The following NCKAP5 variants were observed in gnomAD, a reference collection of about 807,000 sequenced individuals.
NCKAP5 encodes the protein NCK associated protein 5.
A neutral mutation model predicts 167.0 loss-of-function variants in NCKAP5; 92 were observed. The observed-to-expected ratio is 0.55, with a 90% CI of 0.47 to 0.66. The LOEUF (loss-of-function observed/expected upper bound fraction) is 0.66, where lower values mean the gene tolerates loss of function less well. NCKAP5 is among the 30% of genes least tolerant of loss of function. The pLI is 0.00. For synonymous variants in NCKAP5, 891 were observed against 877.4 expected, an observed-to-expected ratio of 1.02 and a Z score of -0.27; for missense variants, 2,378 against 2,315.0, an observed-to-expected ratio of 1.03 and a Z score of -0.56.
the NCKAP5 span, among the ~76,000 whole-genome samples, chr2:133,672,225 G>C: frequency 6.6e-6 from 1 of 151,718 alleles, no homozygotes; most frequent in East Asian, 1.9e-4. Context: ...CCCAAAGATG[G>C]GGAAGGGTTT....
chr2:133,520,382 A>T (rs1324686428), intron 2 of NCKAP5, among the ~76,000 whole-genome samples: 1 of 152,044 alleles, frequency 6.6e-6, no homozygotes, highest in Non-Finnish European at 1.5e-5. Context: ...TCCCTACCTT[A>T]CTCCCTACTA....
At chr2:133,554,213 C>A (rs982494268) in intron 2 of NCKAP5, 1 of 152,182 alleles carries the variant, frequency 6.6e-6, no homozygotes, top group African/African-American at 2.4e-5. Context: ...TTTATTCACT[C>A]AAAGTCAACT....
rs925365557 is a variant in NCKAP5 at position 132,789,634 on chromosome 2, T to G, written c.1092+389A>C. ...GGATAAAACAGCTATTTCAAATATT[T>G]CCCTTACATCAGTGTACAAAGACGT... On this transcript the variant is annotated intron_variant, in intron 13 of 19. Transcript: ENST00000409261. Among the ~76,000 whole-genome samples, 6 of 152,218 alleles carry G rather than the reference T, an allele frequency of 3.9e-5. 1 individual carries two copies. Among genetic ancestry groups the G allele is most frequent in the Non-Finnish European group, 7.4e-5 (5 of 68,026 alleles).
the NCKAP5 span, among the ~76,000 whole-genome samples, chr2:133,646,030 ATGAT>A: frequency 2.6e-5 from 4 of 151,884 alleles, no homozygotes; most frequent in African/African-American, 9.7e-5. Flanking sequence ...CTAAATAATA[ATGAT>A]TGATTATATA....
rs1559154076 is a variant in NCKAP5 at position 133,115,800 on chromosome 2, T to C, written c.341+14178A>G. On this transcript the variant is annotated intron_variant, in intron 6 of 19. Coordinates refer to ENST00000409261, the MANE Select transcript of NCKAP5 (RefSeq NM_207363.3). Reference sequence around the variant, plus strand: ...GTATATATATATATATATATATATATATATATATATATATATAGTGTTCAC... The same window carrying C: ...GTATATATATATATATATATATATACATATATATATATATATAGTGTTCAC... Among the ~76,000 whole-genome samples, 93 of 116,592 alleles carry C rather than the reference T, an allele frequency of 8.0e-4. 2 individuals are homozygous for C. The highest frequency in any genetic ancestry group is 3.2e-3 in the African/African-American group (87 of 27,086). The allele number at this position is 116,592 out of a possible 152,430, so 76.5% of individuals were successfully genotyped here. A position where few individuals can be genotyped will look rare whatever the true frequency, so the allele number is the denominator to read the frequency against.
At chr2:133,632,040 T>C in the NCKAP5 span, among the ~76,000 whole-genome samples, 1 of 152,202 alleles carries the variant, frequency 6.6e-6, no homozygotes, top group African/African-American at 2.4e-5. Flanking sequence ...AGCTGTGCAT[T>C]GGGAAATTTT....
At chr2:132,817,052 T>C (rs538820125) in intron 11 of NCKAP5, among the ~76,000 whole-genome samples, 118 of 152,330 alleles carry the variant, frequency 7.7e-4, no homozygotes, top group African/African-American at 2.6e-3. Context: ...TCTTACAATA[T>C]GAAAATCCTT....
intron 4 of NCKAP5, among the ~76,000 whole-genome samples, chr2:133,260,630 A>G (rs2088854710): frequency 2.0e-5 from 3 of 152,236 alleles, no homozygotes; most frequent in Admixed American, 1.3e-4. Context: ...TCACAATAGG[A>G]AAAAACAGTG....
intron 3 of NCKAP5, among the ~76,000 whole-genome samples, chr2:133,403,413 G>A (rs544682372): frequency 3.4e-4 from 52 of 152,346 alleles, no homozygotes; most frequent in African/African-American, 1.1e-3. Context: ...GCCACAGGGT[G>A]TAGCAAGTAA....
At chr2:132,968,875 AT>A (rs1302593736) in intron 7 of NCKAP5, among the ~76,000 whole-genome samples, 1 of 152,178 alleles carries the variant, frequency 6.6e-6, no homozygotes, top group African/African-American at 2.4e-5. Context: ...ATAGAAAAAA[AT>A]GAGGTTGTCT....
At chr2:133,615,381 C>G in the NCKAP5 span, among the ~76,000 whole-genome samples, 2 of 151,824 alleles carry the variant, frequency 1.3e-5, no homozygotes, top group Admixed American at 1.3e-4. Context: ...CAAGACCCAT[C>G]AGTGTGCTGT....
In NCKAP5 at chr2:133,231,833, C is replaced by A. The variant is rs143143887; in HGVS notation, c.144-18054G>T. On this transcript the variant is annotated intron_variant, in intron 4 of 19. Coordinates refer to ENST00000409261, the MANE Select transcript of NCKAP5 (RefSeq NM_207363.3). ...ATGTACCAAAGATTAATAAATCTTA[C>A]AAGAAAACAAATGGAACATGTAAAT... is the stretch of plus-strand genomic sequence containing the variant. Among the ~76,000 whole-genome samples, 14 of 152,266 alleles carry A rather than the reference C, an allele frequency of 9.2e-5. No homozygotes were observed. In the East Asian group the frequency reaches 2.3e-3, roughly 25 times the overall value.
chr2:133,029,878 A>G (rs1225441734), intron 6 of NCKAP5, among the ~76,000 whole-genome samples: 1 of 152,178 alleles, frequency 6.6e-6, no homozygotes, highest in Non-Finnish European at 1.5e-5. Context: ...TTGGAAACCC[A>G]TTGGACAAAA....
At chr2:133,428,715 G>A (rs762264784) in intron 3 of NCKAP5, among the ~76,000 whole-genome samples, 12 of 151,946 alleles carry the variant, frequency 7.9e-5, no homozygotes, top group Admixed American at 4.6e-4. Context: ...AACAGACTCC[G>A]GTAGAAAAAT....
chr2:133,221,283 A>G (rs2086652503), intron 4 of NCKAP5, among the ~76,000 whole-genome samples: 1 of 152,240 alleles, frequency 6.6e-6, no homozygotes, highest in Non-Finnish European at 1.5e-5. Flanking sequence ...AAAGAATCCC[A>G]TAATACTCTC....
At chr2:133,200,773 T>C (rs1460848383) in intron 5 of NCKAP5, among the ~76,000 whole-genome samples, 1 of 152,176 alleles carries the variant, frequency 6.6e-6, no homozygotes, top group African/African-American at 2.4e-5. Flanking sequence ...CAGCCTTATT[T>C]GTAATACGCC....
At chr2:133,014,725 G>A (rs1395508265) in intron 6 of NCKAP5, among the ~76,000 whole-genome samples, 2 of 152,138 alleles carry the variant, frequency 1.3e-5, no homozygotes, top group Non-Finnish European at 2.9e-5. Flanking sequence ...ATTAAATGAT[G>A]TACTCCAGTG....
intron 6 of NCKAP5, among the ~76,000 whole-genome samples, chr2:133,053,688 A>C (rs1236932422): frequency 1.3e-5 from 2 of 152,116 alleles, no homozygotes; most frequent in Admixed American, 1.3e-4. Flanking sequence ...TATTTTTTCA[A>C]GTCCAAGTTG....
At chr2:132,727,157 T>C (rs767533593) in intron 18 of NCKAP5, among the ~76,000 whole-genome samples, 16 of 152,182 alleles carry the variant, frequency 1.1e-4, no homozygotes, top group Non-Finnish European at 2.2e-4. Context: ...AGTGTGTCCA[T>C]TGGTGGATGT....
Sources: gnomAD v4.1 joint callset for allele counts (sites outside exome capture counted in the v4.1 genomes callset) on GRCh38, gnomAD v4.1.1 for gene constraint, MANE v1.5 for transcripts, NCBI Gene and HGNC (gene_info 2026-07-23, HGNC 2026-07-21) for gene names.